Variants in SLC35F3 observed in about 807,000 individuals in gnomAD.
SLC35F3 encodes the protein solute carrier family 35 member F3, also known as putative thiamine transporter SLC35F3.
In SLC35F3, 25 loss-of-function variants were observed where a neutral mutation model predicts 49.9. The observed-to-expected ratio is 0.50, with a 90% CI of 0.37 to 0.70. SLC35F3 has a LOEUF of 0.70. SLC35F3 is among the 30% of genes least tolerant of loss of function. The pLI is 0.00. For missense variants in SLC35F3, 525 were observed against 639.8 expected (o/e 0.82, Z 1.94); for synonymous variants, 275 against 265.4 (o/e 1.04, Z -0.35).
chr1:234,304,051 TTCCTTC>T, intron 3 of SLC35F3, among the ~76,000 whole-genome samples: 2 of 135,434 alleles, frequency 1.5e-5, no homozygotes, highest in African/African-American at 5.6e-5. Context: ...CCTTCTTTCT[TTCCTTC>T]CTTTCCTTCC....
At chr1:234,095,226 C>T (rs983123540) in intron 2 of SLC35F3, among the ~76,000 whole-genome samples, 1 of 152,202 alleles carries the variant, frequency 6.6e-6, no homozygotes, top group Admixed American at 6.5e-5. Context: ...CACCAGGGGC[C>T]TCCATGAAGT....
At chr1:234,223,608 C>T (rs1044134155) in intron 2 of SLC35F3, among the ~76,000 whole-genome samples, 2 of 152,144 alleles carry the variant, frequency 1.3e-5, no homozygotes, top group African/African-American at 2.4e-5. Flanking sequence ...ATTTATAACC[C>T]AATAAAGTTA....
chr1:234,103,749 C>T (rs1377454419), intron 2 of SLC35F3, among the ~76,000 whole-genome samples: 1 of 152,168 alleles, frequency 6.6e-6, no homozygotes, highest in Non-Finnish European at 1.5e-5. Context: ...ATTATTGTTT[C>T]CAAATATTCA....
At chr1:234,155,272 GAA>G (rs1388361762) in intron 2 of SLC35F3, among the ~76,000 whole-genome samples, 1 of 152,074 alleles carries the variant, frequency 6.6e-6, no homozygotes, top group African/African-American at 2.4e-5. Context: ...ATTTGAGAGA[GAA>G]ATATTACTTT....
chr1:234,088,724 C>A (rs1328691800), intron 2 of SLC35F3, among the ~76,000 whole-genome samples: 2 of 152,168 alleles, frequency 1.3e-5, no homozygotes, highest in Non-Finnish European at 2.9e-5. Context: ...AGGGATTTTA[C>A]ACATGTCATA....
chr1:234,144,378 A>G (rs1227784745), intron 2 of SLC35F3, among the ~76,000 whole-genome samples: 2 of 152,132 alleles, frequency 1.3e-5, no homozygotes, highest in Admixed American at 1.3e-4. Context: ...TAATAAACAC[A>G]CAACTCCTTC....
intron 2 of SLC35F3, among the ~76,000 whole-genome samples, chr1:234,082,673 G>A (rs2102873444): frequency 6.6e-6 from 1 of 152,280 alleles, no homozygotes; most frequent in East Asian, 1.9e-4. Context: ...AAGAAAAAGA[G>A]GTTTAATGGA....
intron 2 of SLC35F3, among the ~76,000 whole-genome samples, chr1:234,080,939 G>A (rs1466228383): frequency 6.6e-6 from 1 of 151,848 alleles, no homozygotes; most frequent in African/African-American, 2.4e-5. Context: ...ATAAAAAATT[G>A]CAAAAAAAAC....
intron 2 of SLC35F3, among the ~76,000 whole-genome samples, chr1:234,073,827 T>G (rs1664755278): frequency 2.0e-5 from 3 of 152,208 alleles, no homozygotes; most frequent in Non-Finnish European, 4.4e-5. Flanking sequence ...AAGTTTGATG[T>G]CGTACTTGCT....
At chr1:234,061,291 C>A (rs745766777) in intron 2 of SLC35F3, among the ~76,000 whole-genome samples, 2 of 151,950 alleles carry the variant, frequency 1.3e-5, no homozygotes, top group Non-Finnish European at 2.9e-5. Context: ...TCACACTGCC[C>A]TTTGGCTACT....
At chr1:234,132,246 G>A (rs1665747688) in intron 2 of SLC35F3, among the ~76,000 whole-genome samples, 1 of 152,044 alleles carries the variant, frequency 6.6e-6, no homozygotes, top group South Asian at 2.1e-4. Flanking sequence ...ATAACATCCT[G>A]CTTCAACATG....
Position 234,323,246 on chromosome 1 carries a change from C to T in SLC35F3, c.*3C>T, listed in dbSNP as rs373054191. 5.0e-6 allele frequency: 8 copies of T among 1,612,196 alleles called. No homozygotes were observed. The highest frequency in any genetic ancestry group is 5.9e-6 in the Non-Finnish European group (7 of 1,179,132). On this transcript the variant is annotated 3_prime_UTR_variant, in exon 8 of 8. Coordinates refer to ENST00000366618, the MANE Select transcript of SLC35F3 (RefSeq NM_173508.4). The surrounding 1 kb of genome is among the most constrained non-coding windows in gnomAD (Gnocchi z 4.5). ...CCCGCCCTTCCTTCGCCCGCTAACA[C>T]CACTCCTCTAGAACTCGGTGGTAAT...
intron 2 of SLC35F3, among the ~76,000 whole-genome samples, chr1:233,982,890 A>T (rs748522232): frequency 2.6e-5 from 4 of 152,188 alleles, no homozygotes; most frequent in Non-Finnish European, 4.4e-5. Context: ...TGTGGGTGCT[A>T]TGAGAACAGA....
intron 3 of SLC35F3, among the ~76,000 whole-genome samples, chr1:234,274,916 C>T (rs1668174510): frequency 6.6e-6 from 1 of 152,184 alleles, no homozygotes; most frequent in Admixed American, 6.5e-5. Context: ...ATTTTATTTG[C>T]ATTAAATGAA....
intron 2 of SLC35F3, among the ~76,000 whole-genome samples, chr1:233,947,384 G>A (rs577910712): frequency 1.3e-5 from 2 of 152,198 alleles, no homozygotes; most frequent in African/African-American, 4.8e-5. Context: ...ATGTGTGAAT[G>A]TGTAGCAAGA....
At chr1:234,135,181 T>C (rs1194562376) in intron 2 of SLC35F3, among the ~76,000 whole-genome samples, 5 of 152,160 alleles carry the variant, frequency 3.3e-5, no homozygotes, top group Admixed American at 3.3e-4. Context: ...GGCTATACAG[T>C]GAACAGCTAG....
intron 2 of SLC35F3, among the ~76,000 whole-genome samples, chr1:234,155,936 T>C (rs1666145407): frequency 6.6e-6 from 1 of 152,094 alleles, no homozygotes; most frequent in African/African-American, 2.4e-5. Flanking sequence ...GTTGAAGCCA[T>C]TAAAAATATA....
At chr1:234,250,292 A>G (rs1424277803) in intron 3 of SLC35F3, among the ~76,000 whole-genome samples, 1 of 152,224 alleles carries the variant, frequency 6.6e-6, no homozygotes, top group Non-Finnish European at 1.5e-5. Context: ...GAGTGGGGCA[A>G]TGGCCCCTGT....
intron 2 of SLC35F3, among the ~76,000 whole-genome samples, chr1:233,934,449 C>G (rs1193761700): frequency 8.5e-5 from 13 of 152,234 alleles, no homozygotes; most frequent in Non-Finnish European, 1.6e-4. Context: ...AATAACTAGT[C>G]AGCTAGATGG....
Sources: allele counts gnomAD v4.1 joint callset (sites outside exome capture counted in the v4.1 genomes callset), GRCh38; gene constraint gnomAD v4.1.1; non-coding constraint Gnocchi (gnomAD v3.1); transcripts MANE v1.5; gene names NCBI Gene and HGNC (gene_info 2026-07-23, HGNC 2026-07-21).